The following FARS2 variants were observed in gnomAD, a reference collection of about 807,000 sequenced individuals.
FARS2 encodes phenylalanyl-tRNA synthetase 2, mitochondrial.
Under a neutral mutation model 46.4 loss-of-function variants are expected in FARS2, and 40 were observed. The observed-to-expected ratio is 0.86, with a 90% CI of 0.67 to 1.12. FARS2 has a LOEUF of 1.12. FARS2 is among the 50% of genes most tolerant of loss of function. FARS2 has a pLI of 0.00. For missense variants in FARS2, 513 were observed against 567.9 expected (o/e 0.90, Z 0.98); for synonymous variants, 234 against 214.9 (o/e 1.09, Z -0.78).
chr6:5,710,406 A>G (rs1024026839), intron 6 of FARS2, among the ~76,000 whole-genome samples: 2 of 152,204 alleles, frequency 1.3e-5, no homozygotes, highest in Non-Finnish European at 2.9e-5. Context: ...TAGAGTCACA[A>G]GGACTGGATT....
chr6:5,256,227 T>C (rs1301214334), upstream of FARS2, among the ~76,000 whole-genome samples: 1 of 151,952 alleles, frequency 6.6e-6, no homozygotes, highest in African/African-American at 2.4e-5. Flanking sequence ...CGGTGGCTCA[T>C]GCCTGTAATC....
At chr6:5,388,225 C>G (rs10498667) in intron 2 of FARS2, among the ~76,000 whole-genome samples, 27,397 of 152,044 alleles carry the variant, frequency 0.18, 2,991 homozygotes, top group Middle Eastern at 0.27. Flanking sequence ...TATCTTAAAC[C>G]CTATGTCTTC....
At chr6:5,511,606 G>A (rs1768457909) in intron 4 of FARS2, among the ~76,000 whole-genome samples, 1 of 152,174 alleles carries the variant, frequency 6.6e-6, no homozygotes, top group African/African-American at 2.4e-5. Context: ...AAACAGAAGA[G>A]TCTCATTTCC....
upstream of FARS2, among the ~76,000 whole-genome samples, chr6:5,259,826 T>C (rs1467126858): frequency 6.7e-6 from 1 of 149,680 alleles, no homozygotes; most frequent in Non-Finnish European, 1.5e-5. Context: ...AAAACAAATC[T>C]AAAAAAAAAT....
chr6:5,399,132 TATTA>T (rs1562011741), intron 2 of FARS2, among the ~76,000 whole-genome samples: 893 of 57,926 alleles, frequency 0.015, 7 homozygotes, highest in South Asian at 0.048. Flanking sequence ...ATTATTTTAT[TATTA>T]TTATTATTAT....
chr6:5,735,193 A>G (rs1278177126), intron 6 of FARS2, among the ~76,000 whole-genome samples: 1 of 152,258 alleles, frequency 6.6e-6, no homozygotes, highest in African/African-American at 2.4e-5. Flanking sequence ...ATAGAATTAC[A>G]TCTATGCAAT....
intron 4 of FARS2, among the ~76,000 whole-genome samples, chr6:5,440,648 TA>T (rs1763789608): frequency 6.6e-6 from 1 of 152,234 alleles, no homozygotes; most frequent in African/African-American, 2.4e-5. Context: ...CTTTACTCTT[TA>T]CATTTAACAG....
At chr6:5,321,227 A>G (rs772454891) in intron 1 of FARS2, among the ~76,000 whole-genome samples, 1 of 152,182 alleles carries the variant, frequency 6.6e-6, no homozygotes, top group Non-Finnish European at 1.5e-5. Context: ...CCAGGTGTTA[A>G]TTTCAGTAAG....
rs938368241 is a variant in FARS2 at position 5,274,163 on chromosome 6, T to G, written c.-22+12503T>G. 2.0e-5 allele frequency among the ~76,000 whole-genome samples: 3 copies of G among 152,224 alleles called. 1 individual carries two copies. The highest frequency in any genetic ancestry group is 4.1e-4 in the South Asian group (2 of 4,834). Reference sequence around the variant, plus strand: ...CAAAGAGGAGCTACTGTAACTTACCTGTAAAAATTATTGAGTGACTTTGGC... The same window carrying G: ...CAAAGAGGAGCTACTGTAACTTACCGGTAAAAATTATTGAGTGACTTTGGC... On this transcript the variant is annotated intron_variant, in intron 1 of 6. Transcript: ENST00000274680.
intron 6 of FARS2, among the ~76,000 whole-genome samples, chr6:5,763,281 G>A (rs1359719226): frequency 6.6e-6 from 1 of 152,082 alleles, no homozygotes; most frequent in African/African-American, 2.4e-5. Flanking sequence ...GCGAGACCCT[G>A]TCTCTACATG....
At chr6:5,436,126 T>C (rs2127778351) in intron 4 of FARS2, among the ~76,000 whole-genome samples, 1 of 152,222 alleles carries the variant, frequency 6.6e-6, no homozygotes. Context: ...GTGGGCACAA[T>C]GTGTGGGGAA....
rs148841592 is a variant in FARS2 at position 5,313,738 on chromosome 6, G to T, written c.-22+52078G>T. Among the ~76,000 whole-genome samples the T allele has an allele frequency of 6.1e-3, 929 of 152,222 alleles. 8 individuals carry two copies. The highest frequency in any genetic ancestry group is 0.01 in the Non-Finnish European group (701 of 68,024). ...GGAAATGATTTTTATATGTGGTGGA[G>T]AAGTGGTCATAGGTGAGCCTAGCTA... On this transcript the variant is annotated intron_variant, in intron 1 of 6. Coordinates refer to ENST00000274680, the MANE Select transcript of FARS2 (RefSeq NM_006567.5).
intron 2 of FARS2, among the ~76,000 whole-genome samples, chr6:5,375,629 T>G (rs1759329148): frequency 6.6e-6 from 1 of 152,080 alleles, no homozygotes; most frequent in Non-Finnish European, 1.5e-5. Context: ...GATAGTTTAG[T>G]AATGGCACAA....
At chr6:5,762,767 G>A (rs1314663985) in intron 6 of FARS2, among the ~76,000 whole-genome samples, 1 of 152,266 alleles carries the variant, frequency 6.6e-6, no homozygotes, top group East Asian at 1.9e-4. Flanking sequence ...GGCAGTAACT[G>A]TCAGAGGAAC....
intron 6 of FARS2, among the ~76,000 whole-genome samples, chr6:5,699,980 G>T (rs1758319184): frequency 1.3e-5 from 2 of 152,112 alleles, no homozygotes; most frequent in South Asian, 4.2e-4. Context: ...CCTTCCCTGT[G>T]CCATCTTTCA....
chr6:5,635,103 T>C (rs1460012738), intron 6 of FARS2, among the ~76,000 whole-genome samples: 1 of 152,234 alleles, frequency 6.6e-6, no homozygotes, highest in Non-Finnish European at 1.5e-5. Flanking sequence ...CAATTTCTTA[T>C]CTTTGGGTTT....
At position 5,708,380 on chromosome 6, in the gene FARS2, A is replaced by G. The variant is rs547974301; in HGVS notation, c.1218-62911A>G. On this transcript the variant is annotated intron_variant, in intron 6 of 6. Transcript: ENST00000274680. Reference sequence around the variant, plus strand: ...AAGGGGACCTGTCACTGGCCAGCTCACACATTACTCAGGAAGTCCTACATG... The same window carrying G: ...AAGGGGACCTGTCACTGGCCAGCTCGCACATTACTCAGGAAGTCCTACATG... 7.2e-5 allele frequency among the ~76,000 whole-genome samples: 11 copies of G among 152,234 alleles called. No individual in the cohort carries two copies. The East Asian group carries it at 2.1e-3, about 29-fold the overall frequency.
At chr6:5,291,917 G>A (rs1224905008) in intron 1 of FARS2, among the ~76,000 whole-genome samples, 1 of 152,216 alleles carries the variant, frequency 6.6e-6, no homozygotes, top group African/African-American at 2.4e-5. Flanking sequence ...TGCATAGTCT[G>A]TAGGGGAGAC....
the FARS2 span, among the ~76,000 whole-genome samples, chr6:5,253,986 CA>C: frequency 6.6e-6 from 1 of 152,146 alleles, no homozygotes; most frequent in Non-Finnish European, 1.5e-5. Flanking sequence ...CAAGAAGCTC[CA>C]AAGCACTTCC....
Sources: gnomAD v4.1 joint callset for allele counts (sites outside exome capture counted in the v4.1 genomes callset) on GRCh38, gnomAD v4.1.1 for gene constraint, MANE v1.5 for transcripts, NCBI Gene and HGNC (gene_info 2026-07-23, HGNC 2026-07-21) for gene names.